Variants in FANK1 observed in about 807,000 individuals in gnomAD.
FANK1 encodes fibronectin type III and ankyrin repeat domains 1.
FANK1 carries 44 observed loss-of-function variants against 45.3 expected under a neutral mutation model. That is an observed-to-expected ratio of 0.97 (90% CI 0.76 to 1.25). The LOEUF (loss-of-function observed/expected upper bound fraction) is 1.25. Among genes scored for constraint, FANK1 ranks in the 50% most tolerant of loss-of-function variants. FANK1 has a pLI of 0.00. For synonymous variants in FANK1, 149 were observed against 152.5 expected (o/e 0.98, Z 0.17); for missense variants, 391 against 424.4 (o/e 0.92, Z 0.69).
chr10:125,984,234 G>T (rs1476183344), intron 2 of FANK1, among the ~76,000 whole-genome samples: 1 of 152,216 alleles, frequency 6.6e-6, no homozygotes, highest in Non-Finnish European at 1.5e-5. Context: ...TCCTGCCACA[G>T]CCCAGGCCAT....
intron 1 of FANK1, among the ~76,000 whole-genome samples, chr10:125,927,747 C>A (rs76638294): frequency 7.1e-6 from 1 of 140,106 alleles, no homozygotes; most frequent in African/African-American, 2.7e-5. Flanking sequence ...GGTTTTGCCA[C>A]GTTGGCCGGG....
intron 3 of FANK1, among the ~76,000 whole-genome samples, chr10:125,990,231 T>C (rs1951836095): frequency 6.6e-6 from 1 of 152,222 alleles, no homozygotes; most frequent in African/African-American, 2.4e-5. Context: ...GGATGGACGA[T>C]GGGTTGGCCA....
At chr10:125,984,712 A>C (rs1320897739) in intron 2 of FANK1, among the ~76,000 whole-genome samples, 3 of 152,150 alleles carry the variant, frequency 2.0e-5, no homozygotes, top group Non-Finnish European at 4.4e-5. Context: ...CTGGTAACTG[A>C]GTCTTGGGGC....
intron 3 of FANK1, chr10:125,989,270 C>T (rs938533943): frequency 3.2e-6 from 5 of 1,548,836 alleles, no homozygotes; most frequent in Non-Finnish European, 4.4e-6. Context: ...AAGATGCTAT[C>T]TATGTCCAGG....
At chr10:125,934,955 A>G (rs939374533) in intron 1 of FANK1, among the ~76,000 whole-genome samples, 4 of 152,002 alleles carry the variant, frequency 2.6e-5, no homozygotes, top group African/African-American at 9.7e-5. Context: ...GGCTCCCAGC[A>G]CGATGCTGTT....
At chr10:125,900,546 T>C (rs1402383883) in intron 1 of FANK1, among the ~76,000 whole-genome samples, 3 of 152,218 alleles carry the variant, frequency 2.0e-5, no homozygotes, top group African/African-American at 4.8e-5. Flanking sequence ...CACTTGGTGC[T>C]ACCTGTTCTG....
chr10:125,916,369 A>G (rs1371738614), intron 1 of FANK1, among the ~76,000 whole-genome samples: 3 of 152,084 alleles, frequency 2.0e-5, no homozygotes, highest in African/African-American at 7.2e-5. Context: ...AAAAGTAGGT[A>G]CTGTCAGTAT....
At chr10:125,897,195 T>C (rs1464378645) in intron 1 of FANK1, among the ~76,000 whole-genome samples, 1 of 150,290 alleles carries the variant, frequency 6.7e-6, no homozygotes, top group Non-Finnish European at 1.5e-5. Flanking sequence ...GTGTATTTGA[T>C]TCATTCTTAG....
At chr10:125,962,166 C>T (rs1343523554) in intron 1 of FANK1, among the ~76,000 whole-genome samples, 2 of 152,146 alleles carry the variant, frequency 1.3e-5, no homozygotes, top group Non-Finnish European at 2.9e-5. Context: ...ACTTTAAAGG[C>T]ATCTCTACTC....
intron 1 of FANK1, among the ~76,000 whole-genome samples, chr10:125,950,669 A>G (rs1228133695): frequency 6.6e-6 from 1 of 152,158 alleles, no homozygotes; most frequent in Non-Finnish European, 1.5e-5. Flanking sequence ...TTCAACCATT[A>G]TGGAAGTCAG....
chr10:125,993,596 G>A (rs1952090940), intron 3 of FANK1, among the ~76,000 whole-genome samples: 1 of 152,166 alleles, frequency 6.6e-6, no homozygotes, highest in Admixed American at 6.5e-5. Flanking sequence ...ACCAGACATT[G>A]CCAAATGTCC....
intron 1 of FANK1, among the ~76,000 whole-genome samples, chr10:125,949,616 G>C (rs1319237451): frequency 1.4e-5 from 2 of 139,966 alleles, no homozygotes; most frequent in Non-Finnish European, 3.2e-5. Flanking sequence ...AATAAAAGAG[G>C]ATACAAACAA....
chr10:126,008,320 G>T, intron 7 of FANK1, 87 bp from the exon 8 acceptor site: 1 of 1,467,748 alleles, frequency 6.8e-7, no homozygotes. Flanking sequence ...TCCGGGTGTT[G>T]GGGCAAGCAA....
At chr10:125,996,831 G>A (rs1172646957) in intron 5 of FANK1, among the ~76,000 whole-genome samples, 1 of 152,056 alleles carries the variant, frequency 6.6e-6, no homozygotes, top group Non-Finnish European at 1.5e-5. Context: ...TGTAAATCAT[G>A]TGTTGAGGAA....
chr10:125,929,377 G>C (rs1947598343), intron 1 of FANK1, among the ~76,000 whole-genome samples: 1 of 152,136 alleles, frequency 6.6e-6, no homozygotes, highest in Admixed American at 6.5e-5. Flanking sequence ...TAGGAGTCTG[G>C]TTAATGTAGA....
chr10:125,968,648 T>A (rs1044699382), intron 1 of FANK1, among the ~76,000 whole-genome samples: 1 of 152,378 alleles, frequency 6.6e-6, no homozygotes, highest in South Asian at 2.1e-4. Flanking sequence ...GGTCAACTAT[T>A]TATCATAAAG....
chr10:125,965,937 T>A (rs1285360450), intron 1 of FANK1, among the ~76,000 whole-genome samples: 1 of 152,240 alleles, frequency 6.6e-6, no homozygotes. Flanking sequence ...CCTTTATACA[T>A]TTCAAATCAC....
intron 8 of FANK1, 55 bp from the exon 9 acceptor site, chr10:126,008,999 G>T: frequency 2.6e-6 from 4 of 1,558,756 alleles, no homozygotes; most frequent in Non-Finnish European, 3.5e-6. Flanking sequence ...GCCCCCTGCT[G>T]TGTGTGCCCT....
At position 126,008,484 on chromosome 10, in the gene FANK1, C is replaced by T; in HGVS notation, c.783C>T (p.Ala261=). Residue 261 remains alanine (A), a synonymous_variant, in exon 8 of 11, where the codon GCC becomes GCT. Transcript: ENST00000368693. ...VSAVSGNQRV[A]SLLIDAGANV... Reference sequence around the variant, plus strand: ...CGGTGTCGGGAAATCAGAGGGTGGCCTCTCTTCTAATTGATGCTGGGGCCA... The same window carrying T: ...CGGTGTCGGGAAATCAGAGGGTGGCTTCTCTTCTAATTGATGCTGGGGCCA... The T allele has an allele frequency of 6.2e-7, 1 of 1,613,510 alleles. No homozygotes were observed. Among genetic ancestry groups the T allele is most frequent in the Non-Finnish European group, 8.5e-7 (1 of 1,179,724 alleles).
Sources: allele counts gnomAD v4.1 joint callset (sites outside exome capture counted in the v4.1 genomes callset), GRCh38; gene constraint gnomAD v4.1.1; transcripts MANE v1.5; gene names NCBI Gene and HGNC (gene_info 2026-07-23, HGNC 2026-07-21).